NYAP2: variants seen among roughly 807,000 people sequenced by gnomAD.
NYAP2 encodes the protein neuronal tyrosine-phosphorylated phosphoinositide-3-kinase adapter 2.
Under a neutral mutation model 50.4 loss-of-function variants are expected in NYAP2, and 23 were observed. That is an observed-to-expected ratio of 0.46 (90% confidence interval 0.33 to 0.65). NYAP2 has a LOEUF of 0.65. NYAP2 is among the 30% of genes least tolerant of loss of function. NYAP2 has a pLI of 0.02. For synonymous variants in NYAP2, 394 were observed against 365.2 expected (o/e 1.08, Z -0.90); for missense variants, 885 against 861.0 (o/e 1.03, Z -0.35).
At chr2:225,537,061 AG>A (rs1691364803) in intron 4 of NYAP2, among the ~76,000 whole-genome samples, 1 of 152,102 alleles carries the variant, frequency 6.6e-6, no homozygotes, top group South Asian at 2.1e-4. Context: ...TACAGGCGTG[AG>A]CCACTGAGCC....
At chr2:225,447,811 T>C (rs977559107) in intron 3 of NYAP2, among the ~76,000 whole-genome samples, 1 of 152,208 alleles carries the variant, frequency 6.6e-6, no homozygotes, top group African/African-American at 2.4e-5. Flanking sequence ...AATTCAATAT[T>C]AGCAATTTGA....
rs149028455 is a variant in NYAP2, at chr2:225,462,868, T to C, written c.222-50503T>C. ...CAAGAGCATTTCACAACATTGATTT[T>C]GATTGTTTAGTCCGGATAATCTTAG... On this transcript the variant is annotated intron_variant, in intron 3 of 6. Coordinates refer to ENST00000636099, the Ensembl canonical transcript of NYAP2. Among the ~76,000 whole-genome samples the C allele has an allele frequency of 2.4e-3, 362 of 152,330 alleles. 2 individuals carry two copies. Among genetic ancestry groups the C allele is most frequent in the African/African-American group, 8.2e-3 (342 of 41,574 alleles).
chr2:225,534,826 C>A (rs1007226490), intron 4 of NYAP2, among the ~76,000 whole-genome samples: 1 of 152,168 alleles, frequency 6.6e-6, no homozygotes, highest in Admixed American at 6.5e-5. Flanking sequence ...CAAGGAGCAG[C>A]CACTAACTCC....
chr2:225,655,885 TACACACACACACACACACACACAC>T (rs372646871), downstream of NYAP2, among the ~76,000 whole-genome samples: 3 of 121,144 alleles, frequency 2.5e-5, no homozygotes, highest in Non-Finnish European at 5.1e-5. Flanking sequence ...CAACCTCCAC[TACACACACACACACACACACACAC>T]ACACACACAC....
At chr2:225,519,339 G>A (rs923064036) in intron 4 of NYAP2, among the ~76,000 whole-genome samples, 5 of 151,380 alleles carry the variant, frequency 3.3e-5, no homozygotes, top group Non-Finnish European at 5.9e-5. Flanking sequence ...AGTTACATAT[G>A]TATACATGTG....
intron 4 of NYAP2, among the ~76,000 whole-genome samples, chr2:225,529,565 T>C (rs1691215946): frequency 6.6e-6 from 1 of 152,128 alleles, no homozygotes; most frequent in Admixed American, 6.5e-5. Flanking sequence ...CCTCAAGTGA[T>C]CTACCCGCCT....
chr2:225,508,440 C>A (rs1041924685), intron 3 of NYAP2, among the ~76,000 whole-genome samples: 4 of 152,096 alleles, frequency 2.6e-5, no homozygotes, highest in Admixed American at 2.0e-4. Context: ...TTTCTGAATG[C>A]CGGAGGAATT....
chr2:225,435,985 G>T (rs1295084886), intron 3 of NYAP2, among the ~76,000 whole-genome samples: 1 of 152,182 alleles, frequency 6.6e-6, no homozygotes, highest in East Asian at 1.9e-4. Flanking sequence ...CAAGAACTAT[G>T]TCAGATATTA....
chr2:225,454,023 G>A (rs1460518548), intron 3 of NYAP2, among the ~76,000 whole-genome samples: 4 of 151,930 alleles, frequency 2.6e-5, no homozygotes, highest in Non-Finnish European at 4.4e-5. Context: ...GTGTTGTAAT[G>A]TAAAACTTTT....
At chr2:225,612,926 C>T (rs1692925861) in intron 5 of NYAP2, among the ~76,000 whole-genome samples, 1 of 76,050 alleles carries the variant, frequency 1.3e-5, no homozygotes, top group Non-Finnish European at 3.1e-5. Flanking sequence ...AACAGTGAGT[C>T]TTCCCAGTCA....
intron 3 of NYAP2, among the ~76,000 whole-genome samples, chr2:225,448,285 T>G (rs1324808496): frequency 2.6e-5 from 4 of 152,310 alleles, no homozygotes; most frequent in African/African-American, 9.6e-5. Flanking sequence ...CAATAACTAT[T>G]ACAGATCAGG....
rs559187923 is a variant in NYAP2, at chr2:225,467,988, A to C, written c.222-45383A>C. The stretch of plus-strand genomic sequence containing the variant: ...GCCTATGAGAGTTCAAAAAAGGGTG[A>C]ACTGGAGAAACAAGAAAAACCCTCT... On this transcript the variant is annotated intron_variant, in intron 3 of 6. Coordinates refer to ENST00000636099, the Ensembl canonical transcript of NYAP2. 2.0e-5 allele frequency among the ~76,000 whole-genome samples: 3 copies of C among 152,324 alleles called. 1 individual carries two copies. The highest frequency in any genetic ancestry group is 7.2e-5 in the African/African-American group (3 of 41,576).
the NYAP2 span, chr2:225,703,155 C>T: frequency 6.6e-6 from 1 of 151,640 alleles, no homozygotes; most frequent in Non-Finnish European, 1.5e-5. Context: ...TACTTTCTTG[C>T]TCTTTCAGAC....
intron 5 of NYAP2, among the ~76,000 whole-genome samples, chr2:225,585,538 C>T (rs1319656626): frequency 6.6e-6 from 1 of 152,194 alleles, no homozygotes; most frequent in African/African-American, 2.4e-5. Flanking sequence ...GGTCAAGGCT[C>T]TTTATAGCTT....
At chr2:225,655,907 C>CACACACACACACACACAT (rs1693814492), downstream of NYAP2, among the ~76,000 whole-genome samples, 4 of 144,736 alleles carry the variant, frequency 2.8e-5, no homozygotes, top group African/African-American at 1.0e-4. Context: ...CACACACACA[C>CACACACACACACACACAT]ACACACACAC....
chr2:225,490,762 C>T (rs1335239993), intron 3 of NYAP2, among the ~76,000 whole-genome samples: 1 of 152,108 alleles, frequency 6.6e-6, no homozygotes, highest in Non-Finnish European at 1.5e-5. Context: ...CTTAGATGTG[C>T]CTTTGTCTTT....
chr2:225,510,094 G>C (rs574618250), intron 3 of NYAP2, among the ~76,000 whole-genome samples: 2 of 152,260 alleles, frequency 1.3e-5, no homozygotes, highest in African/African-American at 4.8e-5. Context: ...GCTACATCCT[G>C]GGGTGAAGAA....
chr2:225,672,982 C>T, the NYAP2 span, among the ~76,000 whole-genome samples: 2 of 151,416 alleles, frequency 1.3e-5, no homozygotes, highest in Non-Finnish European at 2.9e-5. Flanking sequence ...TCTGTTCTCA[C>T]ACTGTTAATA....
chr2:225,560,754 G>A (rs1691855846), intron 4 of NYAP2, among the ~76,000 whole-genome samples: 2 of 152,022 alleles, frequency 1.3e-5, no homozygotes, highest in African/African-American at 4.8e-5. Flanking sequence ...AAACTATAGG[G>A]GCTTGGGGAA....
Sources: allele counts gnomAD v4.1 joint callset (sites outside exome capture counted in the v4.1 genomes callset), GRCh38; gene constraint gnomAD v4.1.1; transcripts MANE v1.5; gene names NCBI Gene and HGNC (gene_info 2026-07-23, HGNC 2026-07-21).